Variants in OPRM1 observed in about 807,000 individuals in gnomAD.
The protein encoded by OPRM1 is mu-type opioid receptor.
Under a neutral mutation model 31.8 loss-of-function variants are expected in OPRM1, and 27 were observed. The ratio of observed to expected loss-of-function variants is 0.85; its 90% CI spans 0.63 to 1.17. The LOEUF (loss-of-function observed/expected upper bound fraction) is 1.17, where lower values mean the gene tolerates loss of function less well. Among genes scored for constraint, OPRM1 ranks in the 50% most tolerant of loss-of-function variants. OPRM1 has a pLI of 0.00. For synonymous variants in OPRM1, 196 were observed against 189.9 expected (o/e 1.03, Z -0.26); for missense variants, 536 against 511.1 (o/e 1.05, Z -0.47).
At chr6:154,203,374 T>C (rs1777228449) in intron 3 of OPRM1, among the ~76,000 whole-genome samples, 1 of 152,190 alleles carries the variant, frequency 6.6e-6, no homozygotes, top group South Asian at 2.1e-4. Flanking sequence ...GAATGTCATT[T>C]TGTGTATCAA....
chr6:154,153,087 TG>T (rs1374379516), intron 3 of OPRM1, among the ~76,000 whole-genome samples: 1 of 152,172 alleles, frequency 6.6e-6, no homozygotes, highest in Non-Finnish European at 1.5e-5. Flanking sequence ...CTCATAAAGA[TG>T]AATTATCTTT....
intron 3 of OPRM1, among the ~76,000 whole-genome samples, chr6:154,145,904 T>C (rs1798347103): frequency 6.6e-6 from 1 of 152,226 alleles, no homozygotes; most frequent in African/African-American, 2.4e-5. Context: ...CAACAAATGG[T>C]GCTGGAGCAA....
At position 154,112,142 on chromosome 6, in the gene OPRM1, C is replaced by T. The variant is rs114277096; in HGVS notation, c.1165-6541C>T. On this transcript the variant is annotated intron_variant, in intron 3 of 3. Transcript: ENST00000330432. The stretch of plus-strand genomic sequence containing the variant: ...AGTTGTGTTACATCTATGTATCTAA[C>T]ATATGTGTCTAAGTATGGTATCTAA... Among the ~76,000 whole-genome samples, 1,000 of 152,300 alleles carry T rather than the reference C, an allele frequency of 6.6e-3. 6 individuals carry two copies. The highest frequency in any genetic ancestry group is 0.023 in the African/African-American group (956 of 41,560).
At chr6:154,231,658 T>C (rs1779730617) in intron 3 of OPRM1, among the ~76,000 whole-genome samples, 2 of 152,126 alleles carry the variant, frequency 1.3e-5, no homozygotes, top group African/African-American at 4.8e-5. Flanking sequence ...GAGGAAGAGA[T>C]TTGACTCAAT....
chr6:154,194,936 G>C (rs922362236), intron 3 of OPRM1, among the ~76,000 whole-genome samples: 6 of 152,032 alleles, frequency 3.9e-5, no homozygotes, highest in Non-Finnish European at 2.9e-5. Context: ...ACTAGGTAAT[G>C]TTCTAGGAAC....
In OPRM1 at chr6:154,081,484, C is replaced by CA. The variant is rs1437239605; in HGVS notation, c.291-8340dup. 3.3e-5 allele frequency among the ~76,000 whole-genome samples: 5 copies of CA among 152,156 alleles called. No individual in the cohort carries two copies. The East Asian group carries it at 9.7e-4, about 29-fold the overall frequency. ...TCGCGCCACTGCACTCCAGCCTGGG[C>CA]AACAGAGTGAGACTCCATCTCTAAA... On this transcript the variant is annotated intron_variant, in intron 1 of 3. Coordinates refer to ENST00000330432, the MANE Select transcript of OPRM1 (RefSeq NM_000914.5).
chr6:154,046,503 G>T (rs917625517), intron 1 of OPRM1, among the ~76,000 whole-genome samples: 1 of 152,166 alleles, frequency 6.6e-6, no homozygotes, highest in Non-Finnish European at 1.5e-5. Flanking sequence ...ATGTTATATA[G>T]TAACGTTAAG....
At chr6:154,044,089 C>A (rs1647729620) in intron 1 of OPRM1, among the ~76,000 whole-genome samples, 1 of 151,932 alleles carries the variant, frequency 6.6e-6, no homozygotes, top group Admixed American at 6.6e-5. Context: ...CAGAACAATT[C>A]TTCTCTTAAA....
upstream of OPRM1, among the ~76,000 whole-genome samples, chr6:154,038,501 A>G (rs151298964): frequency 0.022 from 3,360 of 152,340 alleles, 52 homozygotes; most frequent in Middle Eastern, 0.068. Context: ...GAATTTTTAC[A>G]CTAGAAAACA....
intron 1 of OPRM1, among the ~76,000 whole-genome samples, chr6:154,013,523 A>C (rs1562367292): frequency 6.6e-6 from 1 of 152,192 alleles, no homozygotes; most frequent in African/African-American, 2.4e-5. Context: ...AGTTCACATC[A>C]AAGAGTAGAA....
Position 154,039,597 on chromosome 6 carries a change from C to G in OPRM1, c.53C>G (p.Ala18Gly), listed in dbSNP as rs577345039. ...TNASNCTDALAYSSCSPAPSP... is the reference protein window; with the variant it reads ...TNASNCTDALGYSSCSPAPSP... Reference sequence around the variant, plus strand: ...GCCAGCAATTGCACTGATGCCTTGGCGTACTCAAGTTGCTCCCCAGCACCC... The same window carrying G: ...GCCAGCAATTGCACTGATGCCTTGGGGTACTCAAGTTGCTCCCCAGCACCC... Residue 18 changes from alanine (A) to glycine (G), a missense_variant, in exon 1 of 4, where the codon GCG becomes GGG. Transcript: ENST00000330432. The G allele has an allele frequency of 4.3e-6, 7 of 1,613,724 alleles. No individual in the cohort carries two copies. The South Asian group carries it at 7.7e-5, about 18-fold the overall frequency.
At chr6:154,173,471 G>A (rs1800043228) in intron 3 of OPRM1, among the ~76,000 whole-genome samples, 1 of 152,182 alleles carries the variant, frequency 6.6e-6, no homozygotes, top group East Asian at 1.9e-4. Flanking sequence ...GTAGAGAAGA[G>A]TTTAAATGAT....
chr6:154,109,788 CTCTCTG>C (rs767723672), intron 3 of OPRM1, among the ~76,000 whole-genome samples: 13,637 of 102,866 alleles, frequency 0.13, 571 homozygotes, highest in Non-Finnish European at 0.14. Flanking sequence ...CTCTCTCTCT[CTCTCTG>C]TGTGTGTGTG....
At chr6:154,160,436 C>T (rs1357752144) in intron 3 of OPRM1, among the ~76,000 whole-genome samples, 2 of 152,164 alleles carry the variant, frequency 1.3e-5, no homozygotes, top group Admixed American at 6.5e-5. Flanking sequence ...TGGAACGTAA[C>T]ACTTTACCTA....
chr6:154,080,300 C>T (rs114011430), intron 1 of OPRM1, among the ~76,000 whole-genome samples: 3,080 of 152,292 alleles, frequency 0.02, 110 homozygotes, highest in African/African-American at 0.068. Context: ...GCAAACTTAA[C>T]GCCTTCAAAT....
chr6:154,243,093 C>T (rs755572386), intron 3 of OPRM1, among the ~76,000 whole-genome samples: 36 of 152,038 alleles, frequency 2.4e-4, no homozygotes, highest in African/African-American at 8.2e-4. Flanking sequence ...ACAGCATATG[C>T]GAAGGCTTAG....
At chr6:154,191,799 T>C (rs1801913902) in intron 3 of OPRM1, among the ~76,000 whole-genome samples, 1 of 152,162 alleles carries the variant, frequency 6.6e-6, no homozygotes, top group South Asian at 2.1e-4. Context: ...ACCATACTAA[T>C]GCAAGGTGTT....
chr6:154,086,576 T>G, intron 1 of OPRM1: 4 of 985,156 alleles, frequency 4.1e-6, no homozygotes, highest in Non-Finnish European at 4.8e-6. Flanking sequence ...CATAATTTTT[T>G]TTTCCACAAA....
intron 3 of OPRM1, among the ~76,000 whole-genome samples, chr6:154,100,159 G>GTGACA (rs1794534230): frequency 1.5e-4 from 10 of 68,184 alleles, no homozygotes; most frequent in African/African-American, 4.9e-4. Flanking sequence ...ATATTATGAC[G>GTGACA]TATCATAATA....
Sources: allele counts gnomAD v4.1 joint callset (sites outside exome capture counted in the v4.1 genomes callset), GRCh38; gene constraint gnomAD v4.1.1; transcripts MANE v1.5; gene names NCBI Gene and HGNC (gene_info 2026-07-23, HGNC 2026-07-21).